Variants in VRK2 observed in about 807,000 individuals in gnomAD.
The protein encoded by VRK2 is VRK serine/threonine kinase 2.
Under a neutral mutation model 57.6 loss-of-function variants are expected in VRK2, and 60 were observed. The observed-to-expected ratio is 1.04, with a 90% CI of 0.85 to 1.29. The LOEUF is 1.29. Among genes scored for constraint, VRK2 ranks in the 50% most tolerant of loss-of-function variants. The pLI is 0.00. For synonymous variants in VRK2, 231 were observed against 199.2 expected (o/e 1.16, Z -1.35); for missense variants, 705 against 588.1 (o/e 1.20, Z -2.06).
At chr2:57,924,622 T>C (rs1174937617) in intron 1 of VRK2, among the ~76,000 whole-genome samples, 2 of 151,946 alleles carry the variant, frequency 1.3e-5, no homozygotes, top group African/African-American at 4.8e-5. Flanking sequence ...TTAGGTTTTT[T>C]CAAATATAAG....
At chr2:58,155,685 G>A (rs1208726997) in intron 12 of VRK2, among the ~76,000 whole-genome samples, 1 of 151,848 alleles carries the variant, frequency 6.6e-6, no homozygotes, top group Non-Finnish European at 1.5e-5. Flanking sequence ...GGTTAGTGTA[G>A]GGTGATGATA....
At chr2:58,115,141 G>A (rs1028710317) in intron 7 of VRK2, among the ~76,000 whole-genome samples, 1 of 152,158 alleles carries the variant, frequency 6.6e-6, no homozygotes, top group African/African-American at 2.4e-5. Context: ...CTTTGCTGGT[G>A]TGTGGCGATT....
rs116827820 is a variant in VRK2, at chr2:57,953,717, C to T, written c.-439+45878C>T. On this transcript the variant is annotated intron_variant, in intron 1 of 15. Transcript: ENST00000417641. The stretch of plus-strand genomic sequence containing the variant: ...ATGAAGAGTAACATGTTGATGGCCA[C>T]GCTATCAGAGGAAGACATTTCCACT... 8.3e-3 allele frequency among the ~76,000 whole-genome samples: 1,264 copies of T among 151,542 alleles called. 22 individuals are homozygous for T. Among genetic ancestry groups the T allele is most frequent in the African/African-American group, 0.028 (1,156 of 41,278 alleles).
At chr2:58,005,866 G>C (rs1352162446) in intron 1 of VRK2, among the ~76,000 whole-genome samples, 20 of 152,158 alleles carry the variant, frequency 1.3e-4, no homozygotes, top group East Asian at 1.9e-4. Flanking sequence ...CCCTACTGGA[G>C]GGGATCTCTC....
chr2:57,936,247 C>A (rs1045590387), intron 1 of VRK2, among the ~76,000 whole-genome samples: 2 of 152,172 alleles, frequency 1.3e-5, no homozygotes, highest in African/African-American at 4.8e-5. Flanking sequence ...TTTATTTCTG[C>A]AATTATATTT....
chr2:57,952,099 C>A (rs938116025), intron 1 of VRK2, among the ~76,000 whole-genome samples: 3 of 151,280 alleles, frequency 2.0e-5, no homozygotes, highest in Admixed American at 6.6e-5. Context: ...TATATTTATA[C>A]CTTAATTTAT....
chr2:57,994,575 G>A (rs1346751977), intron 1 of VRK2, among the ~76,000 whole-genome samples: 1 of 152,012 alleles, frequency 6.6e-6, no homozygotes, highest in Non-Finnish European at 1.5e-5. Flanking sequence ...TAGGCATAAG[G>A]AATATGGCAA....
At chr2:57,976,629 G>A (rs111851658) in intron 1 of VRK2, among the ~76,000 whole-genome samples, 2,347 of 151,852 alleles carry the variant, frequency 0.015, 90 homozygotes, top group African/African-American at 0.054. Context: ...GATCTTTGTC[G>A]CATTCATAAT....
chr2:58,043,363 T>C (rs1674539250), upstream of VRK2, among the ~76,000 whole-genome samples: 1 of 152,180 alleles, frequency 6.6e-6, no homozygotes, highest in African/African-American at 2.4e-5. Context: ...ATTTTAAGTG[T>C]ATAACTAGAG....
intron 1 of VRK2, 79 bp downstream of exon 1, chr2:58,046,947 A>T (rs1674843806): frequency 1.0e-6 from 1 of 985,418 alleles, no homozygotes; most frequent in African/African-American, 1.7e-5. Flanking sequence ...CCGCTCGGAA[A>T]AGGGCTGCCG....
At chr2:58,135,452 T>G (rs1679879203) in intron 10 of VRK2, among the ~76,000 whole-genome samples, 2 of 151,984 alleles carry the variant, frequency 1.3e-5, no homozygotes, top group South Asian at 4.1e-4. Context: ...TTTTTTTTTT[T>G]TTTTTAAGAT....
At chr2:58,062,107 T>G (rs982334521) in intron 2 of VRK2, among the ~76,000 whole-genome samples, 15 of 152,110 alleles carry the variant, frequency 9.9e-5, no homozygotes, top group African/African-American at 3.4e-4. Context: ...TGTCACATTT[T>G]GGTCATTTTG....
intron 2 of VRK2, among the ~76,000 whole-genome samples, chr2:58,026,451 C>T (rs1011340854): frequency 6.6e-6 from 1 of 152,058 alleles, no homozygotes; most frequent in African/African-American, 2.4e-5. Flanking sequence ...TACATATACA[C>T]AATTACTCTT....
chr2:57,920,951 T>G lies in VRK2; in HGVS notation c.-439+13112T>G, dbSNP rs552520539. 2.5e-3 allele frequency among the ~76,000 whole-genome samples: 388 copies of G among 152,208 alleles called. 3 individuals are homozygous for G. The highest frequency in any genetic ancestry group is 9.0e-3 in the African/African-American group (373 of 41,554). On this transcript the variant is annotated intron_variant, in intron 1 of 15. Transcript: ENST00000417641. Reference sequence around the variant, plus strand: ...TTTGTATGCAAGAAGATTCTAGATGTTATTTCATTTGCTCCTCTGTCAGGT... The same window carrying G: ...TTTGTATGCAAGAAGATTCTAGATGGTATTTCATTTGCTCCTCTGTCAGGT...
chr2:58,104,363 G>A (rs1240943494), intron 7 of VRK2, among the ~76,000 whole-genome samples: 2 of 151,776 alleles, frequency 1.3e-5, no homozygotes, highest in African/African-American at 2.4e-5. Context: ...ATTTAGCAAA[G>A]TTTGAGGATA....
Position 58,060,474 on chromosome 2 carries a change from G to A in VRK2, c.136+11507G>A, listed in dbSNP as rs573805247. On this transcript the variant is annotated intron_variant, in intron 2 of 12. Coordinates refer to ENST00000340157, the MANE Select transcript of VRK2 (RefSeq NM_006296.7). ...AATGATCTGTTGATATTGGCACATG[G>A]ATAGAGGCCTTAAGGCAATAATGGA... is the stretch of plus-strand genomic sequence containing the variant. Among the ~76,000 whole-genome samples the A allele has an allele frequency of 5.3e-5, 8 of 151,884 alleles. No homozygotes were observed. The South Asian group carries it at 1.5e-3, about 28-fold the overall frequency.
At chr2:58,132,294 TA>T (rs745505639) in intron 9 of VRK2, among the ~76,000 whole-genome samples, 1 of 152,184 alleles carries the variant, frequency 6.6e-6, no homozygotes, top group Admixed American at 6.5e-5. Flanking sequence ...ATTAACTGTG[TA>T]AAACAGCACT....
At chr2:58,035,242 T>G (rs1384752489) in intron 3 of VRK2, among the ~76,000 whole-genome samples, 1 of 152,020 alleles carries the variant, frequency 6.6e-6, no homozygotes, top group African/African-American at 2.4e-5. Flanking sequence ...CTTTCCCCCT[T>G]AAAAATATTA....
At chr2:58,101,645 G>T (rs1673984499) in intron 7 of VRK2, among the ~76,000 whole-genome samples, 1 of 151,466 alleles carries the variant, frequency 6.6e-6, no homozygotes, top group African/African-American at 2.4e-5. Flanking sequence ...AAATCCAGCA[G>T]CCTAGATCAT....
Sources: gnomAD v4.1 joint callset for allele counts (sites outside exome capture counted in the v4.1 genomes callset) on GRCh38, gnomAD v4.1.1 for gene constraint, MANE v1.5 for transcripts, NCBI Gene and HGNC (gene_info 2026-07-23, HGNC 2026-07-21) for gene names.